LIMS1: variants seen among roughly 807,000 people sequenced by gnomAD.
LIMS1 encodes LIM and senescent cell antigen-like-containing domain protein 1.
A neutral mutation model predicts 44.1 loss-of-function variants in LIMS1; 18 were observed. That is an observed-to-expected ratio of 0.41 (90% confidence interval 0.28 to 0.61). The LOEUF is 0.61. LIMS1 is among the 20% of genes least tolerant of loss of function. The pLI, the probability that LIMS1 is intolerant of heterozygous loss-of-function variation, is 0.32. For missense variants in LIMS1, 201 were observed against 422.0 expected, an observed-to-expected ratio of 0.48 and a Z score of 4.59; for synonymous variants, 93 against 149.1, an observed-to-expected ratio of 0.62 and a Z score of 2.74.
intron 1 of LIMS1, among the ~76,000 whole-genome samples, chr2:108,652,204 G>C (rs1470586454): frequency 2.6e-5 from 4 of 151,584 alleles, no homozygotes; most frequent in Non-Finnish European, 5.9e-5. Flanking sequence ...TTTTACTGTT[G>C]GGCATTTATC....
chr2:108,593,267 C>T (rs1201867914), intron 1 of LIMS1, among the ~76,000 whole-genome samples: 3 of 152,186 alleles, frequency 2.0e-5, no homozygotes, highest in Non-Finnish European at 4.4e-5. Flanking sequence ...TAAACCTTAT[C>T]CAAGCCTCCC....
intron 1 of LIMS1, among the ~76,000 whole-genome samples, chr2:108,566,452 T>A (rs1265233273): frequency 6.6e-6 from 1 of 152,172 alleles, no homozygotes; most frequent in Non-Finnish European, 1.5e-5. Flanking sequence ...GGAAACTGAT[T>A]CTCAGAGGGT....
chr2:108,591,250 AC>A (rs1487220437), intron 1 of LIMS1, among the ~76,000 whole-genome samples: 7 of 152,174 alleles, frequency 4.6e-5, no homozygotes, highest in Non-Finnish European at 8.8e-5. Flanking sequence ...GGTTCTGGGG[AC>A]ACAAAGGTGA....
At chr2:108,561,823 A>C (rs556858426) in intron 1 of LIMS1, among the ~76,000 whole-genome samples, 6 of 150,184 alleles carry the variant, frequency 4.0e-5, no homozygotes, top group Non-Finnish European at 7.4e-5. Flanking sequence ...CTCAACTGCA[A>C]CCTCTGCCTC....
chr2:108,664,438 G>A (rs1311266476), intron 2 of LIMS1, among the ~76,000 whole-genome samples: 1 of 152,186 alleles, frequency 6.6e-6, no homozygotes, highest in Admixed American at 6.5e-5. Context: ...TTCCACAAGC[G>A]GTGGGACCCC....
chr2:108,585,954 G>A (rs1305539297), intron 1 of LIMS1, among the ~76,000 whole-genome samples: 1 of 152,168 alleles, frequency 6.6e-6, no homozygotes, highest in African/African-American at 2.4e-5. Context: ...AGCACTTTGG[G>A]AGGCCGAGGC....
chr2:108,631,069 A>G (rs891846796), intron 1 of LIMS1, among the ~76,000 whole-genome samples: 9 of 152,248 alleles, frequency 5.9e-5, no homozygotes, highest in African/African-American at 2.2e-4. Context: ...GTTGGCTTAC[A>G]GAGTGTGGGA....
intron 1 of LIMS1, among the ~76,000 whole-genome samples, chr2:108,547,589 G>A (rs941187766): frequency 6.6e-6 from 1 of 152,210 alleles, no homozygotes. Flanking sequence ...AGAAGCTAAA[G>A]CATAGGAATA....
chr2:108,568,776 G>T (rs1685382470), intron 1 of LIMS1, among the ~76,000 whole-genome samples: 1 of 152,154 alleles, frequency 6.6e-6, no homozygotes, highest in Non-Finnish European at 1.5e-5. Flanking sequence ...CATTTCTGAT[G>T]ATCAGTGATG....
At chr2:108,593,432 T>G (rs147508566) in intron 1 of LIMS1, among the ~76,000 whole-genome samples, 145 of 152,334 alleles carry the variant, frequency 9.5e-4, no homozygotes, top group African/African-American at 3.3e-3. Context: ...GGAAAAGGTC[T>G]TGCCGGAGTT....
At chr2:108,646,263 A>G (rs1295046716) in intron 1 of LIMS1, among the ~76,000 whole-genome samples, 1 of 152,236 alleles carries the variant, frequency 6.6e-6, no homozygotes, top group African/African-American at 2.4e-5. Context: ...ATGCAAAAAA[A>G]TGGAAATCAT....
chr2:108,554,736 A>G (rs1193299450), intron 1 of LIMS1, among the ~76,000 whole-genome samples: 1 of 152,188 alleles, frequency 6.6e-6, no homozygotes, highest in Non-Finnish European at 1.5e-5. Context: ...AAAGTACATG[A>G]CATGACGCTC....
intron 1 of LIMS1, among the ~76,000 whole-genome samples, chr2:108,578,264 T>G (rs1685744541): frequency 6.6e-6 from 1 of 152,226 alleles, no homozygotes; most frequent in Non-Finnish European, 1.5e-5. Flanking sequence ...TAGTCACCAT[T>G]TCTAATTATG....
chr2:108,539,244 C>G (rs11900810), intron 1 of LIMS1, among the ~76,000 whole-genome samples: 1 of 152,056 alleles, frequency 6.6e-6, no homozygotes, highest in Non-Finnish European at 1.5e-5. Flanking sequence ...CCACTATGCC[C>G]GGCTAATATT....
At position 108,662,130 on chromosome 2, in the gene LIMS1, G is replaced by A. The variant is rs541558376; in HGVS notation, c.192+2366G>A. On this transcript the variant is annotated intron_variant, in intron 2 of 9. Coordinates refer to ENST00000544547, the Ensembl canonical transcript of LIMS1. ...GAAAAAGACAGGCTTTGTTTTTCCA[G>A]ACATTTTCCTTATATCCCTGGCTTG... The A allele has an allele frequency of 8.1e-4, 1,306 of 1,605,942 alleles. 6 individuals carry two copies. Among genetic ancestry groups the A allele is most frequent in the African/African-American group, 3.9e-3 (285 of 73,098 alleles).
chr2:108,609,567 A>G (rs1687475306), intron 1 of LIMS1, among the ~76,000 whole-genome samples: 1 of 152,116 alleles, frequency 6.6e-6, no homozygotes, highest in African/African-American at 2.4e-5. Context: ...TCCATCTAGA[A>G]TATTCTCTCC....
In LIMS1 at chr2:108,567,433, TA is replaced by T. The variant is rs1685331345; in HGVS notation, c.32+32842del. Reference sequence around the variant, plus strand: ...ATAAGCAGGGTGGAAAATGAATGAATAAATGGACACACATTATTGTAAAATA... The same window carrying T: ...ATAAGCAGGGTGGAAAATGAATGAATAATGGACACACATTATTGTAAAATA... On this transcript the variant is annotated intron_variant, in intron 1 of 9. Transcript: ENST00000544547. 2.0e-5 allele frequency among the ~76,000 whole-genome samples: 3 copies of T among 152,122 alleles called. No homozygotes were observed. In the South Asian group the frequency reaches 6.2e-4, roughly 32 times the overall value.
intron 1 of LIMS1, among the ~76,000 whole-genome samples, chr2:108,582,312 C>T (rs550032294): frequency 1.8e-4 from 28 of 152,296 alleles, no homozygotes; most frequent in African/African-American, 6.5e-4. Context: ...ACCATAGGCA[C>T]TAAATGGCCT....
intron 1 of LIMS1, among the ~76,000 whole-genome samples, chr2:108,623,340 G>A (rs1032251141): frequency 4.6e-5 from 7 of 151,756 alleles, no homozygotes; most frequent in Non-Finnish European, 1.0e-4. Context: ...TTGAAGTTAG[G>A]TACACCAGAG....
Sources: allele counts gnomAD v4.1 joint callset (sites outside exome capture counted in the v4.1 genomes callset), GRCh38; gene constraint gnomAD v4.1.1; transcripts MANE v1.5; gene names NCBI Gene and HGNC (gene_info 2026-07-23, HGNC 2026-07-21).